Variants in PLCG2 observed in about 807,000 individuals in gnomAD.
PLCG2 encodes the protein 1-phosphatidylinositol 4,5-bisphosphate phosphodiesterase gamma-2.
A neutral mutation model predicts 175.6 loss-of-function variants in PLCG2; 69 were observed. That is an observed-to-expected ratio of 0.39 (90% CI 0.32 to 0.48). The LOEUF (loss-of-function observed/expected upper bound fraction) is 0.48, where lower values mean the gene tolerates loss of function less well. Among genes scored for constraint, PLCG2 ranks in the 20% least tolerant of loss-of-function variants. PLCG2 has a pLI of 0.91. For missense variants in PLCG2, 1,798 were observed against 1,650.9 expected (o/e 1.09, Z -1.54); for synonymous variants, 827 against 624.0 (o/e 1.33, Z -4.85).
chr16:81,772,298 A>G (rs1319271085), intron 2 of PLCG2, among the ~76,000 whole-genome samples: 20 of 152,012 alleles, frequency 1.3e-4, no homozygotes, highest in Admixed American at 1.3e-3. Flanking sequence ...CAACCACAGA[A>G]CCCGGGAGAA....
intron 2 of PLCG2, among the ~76,000 whole-genome samples, chr16:81,835,225 G>A (rs747864221): frequency 2.6e-5 from 4 of 152,210 alleles, no homozygotes; most frequent in African/African-American, 7.2e-5. Context: ...TGGCTGGCAC[G>A]AAATGGGATA....
chr16:81,761,044 G>A (rs1431325627), intron 2 of PLCG2, among the ~76,000 whole-genome samples: 1 of 152,070 alleles, frequency 6.6e-6, no homozygotes, highest in Non-Finnish European at 1.5e-5. Context: ...CTATAAGTGC[G>A]CACCACCACA....
chr16:81,942,134 G>A (rs1231352752), intron 30 of PLCG2, among the ~76,000 whole-genome samples: 1 of 152,106 alleles, frequency 6.6e-6, no homozygotes, highest in Non-Finnish European at 1.5e-5. Flanking sequence ...AACTCATCCA[G>A]CAGAGAGGGG....
chr16:81,861,503 C>A (rs917326276), intron 5 of PLCG2, among the ~76,000 whole-genome samples: 3 of 152,246 alleles, frequency 2.0e-5, no homozygotes, highest in Non-Finnish European at 4.4e-5. Flanking sequence ...CCATGTTTTT[C>A]TGTCCACCTG....
At chr16:81,916,317 A>T (rs536658050) in intron 19 of PLCG2, among the ~76,000 whole-genome samples, 2 of 152,106 alleles carry the variant, frequency 1.3e-5, no homozygotes, top group South Asian at 2.1e-4. Context: ...AACGTTTTTT[A>T]AAAAAAGAAA....
At chr16:81,860,176 T>TTA (rs1555513314) in intron 5 of PLCG2, among the ~76,000 whole-genome samples, 1 of 139,080 alleles carries the variant, frequency 7.2e-6, no homozygotes, top group African/African-American at 2.8e-5. Context: ...ATTATTATTT[T>TTA]TTTTTTTTTT....
intron 2 of PLCG2, among the ~76,000 whole-genome samples, chr16:81,836,524 T>C (rs972794933): frequency 6.6e-6 from 1 of 152,170 alleles, no homozygotes; most frequent in African/African-American, 2.4e-5. Context: ...GTGGATCACC[T>C]GAGGTGAGGA....
intron 2 of PLCG2, among the ~76,000 whole-genome samples, chr16:81,803,526 C>G (rs1309417063): frequency 8.3e-6 from 1 of 119,998 alleles, no homozygotes; most frequent in Non-Finnish European, 2.0e-5. Context: ...TTCTTTCTTT[C>G]CTTTCTTTCT....
In PLCG2 at chr16:81,961,693, T is replaced by C. The variant is rs984880413; in HGVS notation, c.*3695T>C. The C allele has an allele frequency of 3.8e-5, 8 of 209,902 alleles. No individual in the cohort carries two copies. The highest frequency in any genetic ancestry group is 1.8e-4 in the African/African-American group (8 of 44,026). The allele number at this position is 209,902 out of a possible 1,614,324, so 13.0% of individuals were successfully genotyped here. The stretch of plus-strand genomic sequence containing the variant: ...TAAAAAAATGGCCCTGTTCATAAAA[T>C]TTTTAAAAAGATCATAGTATCTATC... On this transcript the variant is annotated 3_prime_UTR_variant, in exon 33 of 33. Transcript: ENST00000564138.
At chr16:81,792,141 A>C (rs182400244) in intron 2 of PLCG2, among the ~76,000 whole-genome samples, 1 of 152,264 alleles carries the variant, frequency 6.6e-6, no homozygotes, top group Admixed American at 6.5e-5. Flanking sequence ...TTATGATGCA[A>C]ATCCCTGCTC....
chr16:81,811,270 T>C (rs1331019278), intron 2 of PLCG2, among the ~76,000 whole-genome samples: 1 of 152,144 alleles, frequency 6.6e-6, no homozygotes, highest in East Asian at 1.9e-4. Flanking sequence ...CGTGTGTGGG[T>C]GTAAAGACTA....
chr16:81,933,576 G>GT (rs575035323), intron 25 of PLCG2, among the ~76,000 whole-genome samples: 12,487 of 143,702 alleles, frequency 0.087, 607 homozygotes, highest in Non-Finnish European at 0.12. Context: ...GCTGTTTTTT[G>GT]TTTTTTTTTT....
At chr16:81,911,597 C>CTAAT (rs58191847) in intron 18 of PLCG2, among the ~76,000 whole-genome samples, 44,086 of 146,078 alleles carry the variant, frequency 0.3, 6,796 homozygotes, top group Non-Finnish European at 0.35. Flanking sequence ...CTGTGCCCAG[C>CTAAT]TAATTAATTA....
intron 2 of PLCG2, among the ~76,000 whole-genome samples, chr16:81,825,730 C>T (rs1392820654): frequency 6.6e-6 from 1 of 152,228 alleles, no homozygotes; most frequent in Non-Finnish European, 1.5e-5. Flanking sequence ...ACGTAACCAT[C>T]TCCTGAGATC....
rs577104402 is a variant in PLCG2 at position 81,751,895 on chromosome 16, G to A, written c.-144-3975G>A. Among the ~76,000 whole-genome samples, 341 of 152,076 alleles carry A rather than the reference G, an allele frequency of 2.2e-3. 1 individual carries two copies. The highest frequency in any genetic ancestry group is 3.8e-3 in the Non-Finnish European group (259 of 67,974). ...ACATTAGGTGGATATGGTGGCAGGC[G>A]TCTGTAATCTTAGCTACTCGGGAGG... On this transcript the variant is annotated intron_variant, in intron 1 of 5. Coordinates refer to the PLCG2 transcript ENST00000565054.
At chr16:81,952,204 C>G (rs1199108900) in intron 31 of PLCG2, among the ~76,000 whole-genome samples, 3 of 151,872 alleles carry the variant, frequency 2.0e-5, no homozygotes, top group Non-Finnish European at 4.4e-5. Flanking sequence ...CCAACCCTTC[C>G]AAAATTAATG....
chr16:81,938,289 T>A (rs773982711), intron 28 of PLCG2, among the ~76,000 whole-genome samples: 2 of 152,324 alleles, frequency 1.3e-5, no homozygotes, highest in Middle Eastern at 3.4e-3. Flanking sequence ...TTAAAATTCA[T>A]CTGACTTTCA....
intron 8 of PLCG2, among the ~76,000 whole-genome samples, chr16:81,883,033 G>A (rs8063355): frequency 0.29 from 44,431 of 151,980 alleles, 7,570 homozygotes; most frequent in African/African-American, 0.47. Context: ...GCAGCTAAAT[G>A]TAGACACCAG....
chr16:81,780,059 C>G (rs960214498), intron 1 of PLCG2, among the ~76,000 whole-genome samples: 12 of 152,040 alleles, frequency 7.9e-5, no homozygotes, highest in African/African-American at 2.4e-4. Flanking sequence ...AGACGTGCCC[C>G]GTTTGGACGG....
Sources: allele counts gnomAD v4.1 joint callset (sites outside exome capture counted in the v4.1 genomes callset), GRCh38; gene constraint gnomAD v4.1.1; transcripts MANE v1.5; gene names NCBI Gene and HGNC (gene_info 2026-07-23, HGNC 2026-07-21).